The following GABBR2 variants were observed in gnomAD, a reference collection of about 807,000 sequenced individuals.
GABBR2 encodes G-protein coupled receptor 51.
A neutral mutation model predicts 105.6 loss-of-function variants in GABBR2; 23 were observed. That is an observed-to-expected ratio of 0.22 (90% CI 0.16 to 0.31). GABBR2 has a LOEUF of 0.31. Ranked by LOEUF, GABBR2 falls within the 10% of genes least tolerant of loss-of-function variation. The probability of loss-of-function intolerance (pLI) is 1.00; values close to 1 mark genes in which losing one functional copy is unlikely to be tolerated. For missense variants in GABBR2, 734 were observed against 1,245.5 expected (o/e 0.59, Z 6.18); for synonymous variants, 478 against 499.7 (o/e 0.96, Z 0.58).
intron 11 of GABBR2, among the ~76,000 whole-genome samples, chr9:98,376,645 TAAATCCTC>T (rs1447513441): frequency 6.6e-6 from 1 of 152,142 alleles, no homozygotes. Flanking sequence ...GGGCGACAGA[TAAATCCTC>T]AAGTTATAAG....
At chr9:98,698,767 G>A (rs1484090481) in intron 1 of GABBR2, among the ~76,000 whole-genome samples, 3 of 151,936 alleles carry the variant, frequency 2.0e-5, no homozygotes, top group Admixed American at 1.3e-4. Flanking sequence ...CAAAGTGCTG[G>A]GATTACAGGC....
chr9:98,502,835 C>T (rs550662610), intron 3 of GABBR2, among the ~76,000 whole-genome samples: 3 of 152,344 alleles, frequency 2.0e-5, no homozygotes, highest in South Asian at 2.1e-4. Flanking sequence ...AACTTGAGTA[C>T]CTTTCCGAGC....
chr9:98,632,081 C>T (rs924509653), intron 1 of GABBR2, among the ~76,000 whole-genome samples: 1 of 152,162 alleles, frequency 6.6e-6, no homozygotes, highest in Non-Finnish European at 1.5e-5. Flanking sequence ...CTAAGATGCC[C>T]CAGGGTGGTA....
At chr9:98,323,519 C>G (rs986566953) in intron 13 of GABBR2, among the ~76,000 whole-genome samples, 1 of 152,226 alleles carries the variant, frequency 6.6e-6, no homozygotes, top group Non-Finnish European at 1.5e-5. Context: ...GGCCAAGGAG[C>G]CTCTCTGTGG....
At chr9:98,693,763 C>A (rs1411397449) in intron 1 of GABBR2, among the ~76,000 whole-genome samples, 2 of 152,250 alleles carry the variant, frequency 1.3e-5, no homozygotes, top group African/African-American at 2.4e-5. Flanking sequence ...TGAAAGCAGC[C>A]ATGCAGTGCC....
At chr9:98,417,954 G>T (rs1832716960) in intron 7 of GABBR2, among the ~76,000 whole-genome samples, 1 of 152,174 alleles carries the variant, frequency 6.6e-6, no homozygotes. Flanking sequence ...GTGGCTCTTT[G>T]GAGGAGTAGA....
intron 1 of GABBR2, among the ~76,000 whole-genome samples, chr9:98,623,150 C>T (rs752206612): frequency 6.6e-6 from 1 of 152,168 alleles, no homozygotes; most frequent in Non-Finnish European, 1.5e-5. Flanking sequence ...TCAGGCGGGG[C>T]GCGGTGGCTC....
intron 1 of GABBR2, among the ~76,000 whole-genome samples, chr9:98,701,982 T>A (rs958347121): frequency 3.9e-5 from 6 of 152,256 alleles, no homozygotes; most frequent in Admixed American, 1.3e-4. Flanking sequence ...AGTGTGCCGA[T>A]CATTGATTGG....
chr9:98,311,930 T>C (rs1408074541), intron 13 of GABBR2, among the ~76,000 whole-genome samples: 2 of 152,222 alleles, frequency 1.3e-5, no homozygotes, highest in Admixed American at 6.5e-5. Flanking sequence ...TGGGAGATAA[T>C]TGGCCAGATG....
At chr9:98,570,318 C>T (rs555978940) in intron 2 of GABBR2, among the ~76,000 whole-genome samples, 7 of 152,334 alleles carry the variant, frequency 4.6e-5, no homozygotes, top group South Asian at 4.1e-4. Context: ...TAATCTGCCA[C>T]GGCTGCCTTT....
rs1413157425 is a variant in GABBR2 at position 98,454,385 on chromosome 9, G to C, written c.1000-168C>G. On this transcript the variant is annotated intron_variant, in intron 6 of 18. Transcript: ENST00000259455. This position sits in a 1 kb window ranked among gnomAD's most constrained non-coding sequence, Gnocchi z 4.6. Reference sequence around the variant, plus strand: ...CCCTCACAACAACCTCATAAGGTGGGTACTGTTATTGTCCCCATTTTACAG... The same window carrying C: ...CCCTCACAACAACCTCATAAGGTGGCTACTGTTATTGTCCCCATTTTACAG... Among the ~76,000 whole-genome samples, 2 of 152,116 alleles carry C rather than the reference G, an allele frequency of 1.3e-5. No individual in the cohort carries two copies. The highest frequency in any genetic ancestry group is 2.9e-5 in the Non-Finnish European group (2 of 68,024).
chr9:98,326,488 T>G (rs1426130527), intron 13 of GABBR2, among the ~76,000 whole-genome samples: 1 of 152,088 alleles, frequency 6.6e-6, no homozygotes, highest in African/African-American at 2.4e-5. Context: ...TATAATTAGG[T>G]GGTGGGTGTG....
At chr9:98,683,753 T>C (rs1286252721) in intron 1 of GABBR2, among the ~76,000 whole-genome samples, 1 of 151,900 alleles carries the variant, frequency 6.6e-6, no homozygotes, top group Non-Finnish European at 1.5e-5. Context: ...CTCACGCCTG[T>C]AATCCTAGCA....
At chr9:98,506,071 A>G (rs1827504450) in intron 3 of GABBR2, among the ~76,000 whole-genome samples, 1 of 152,122 alleles carries the variant, frequency 6.6e-6, no homozygotes, top group Non-Finnish European at 1.5e-5. Context: ...GTCTGTCCCA[A>G]AGATATATGG....
intron 3 of GABBR2, among the ~76,000 whole-genome samples, chr9:98,531,134 G>A (rs1828059809): frequency 6.6e-6 from 1 of 152,104 alleles, no homozygotes; most frequent in East Asian, 1.9e-4. Flanking sequence ...CTTGAGTGGA[G>A]GATATATTTA....
At chr9:98,426,039 C>T (rs1340318142) in intron 7 of GABBR2, among the ~76,000 whole-genome samples, 2 of 152,020 alleles carry the variant, frequency 1.3e-5, no homozygotes, top group African/African-American at 4.8e-5. Context: ...AATGAAGAAA[C>T]GGAGAGGACA....
intron 2 of GABBR2, among the ~76,000 whole-genome samples, chr9:98,543,874 C>T (rs796853120): frequency 5.9e-5 from 9 of 151,742 alleles, no homozygotes; most frequent in African/African-American, 1.9e-4. Flanking sequence ...CAGGTAATCA[C>T]GGTTTTTTTT....
At chr9:98,529,712 C>T (rs1828029919) in intron 3 of GABBR2, among the ~76,000 whole-genome samples, 1 of 152,096 alleles carries the variant, frequency 6.6e-6, no homozygotes, top group Non-Finnish European at 1.5e-5. Flanking sequence ...ATTATTTTTC[C>T]TTTGAATTAC....
intron 1 of GABBR2, among the ~76,000 whole-genome samples, chr9:98,590,141 A>C (rs1467883155): frequency 6.6e-6 from 1 of 152,182 alleles, no homozygotes; most frequent in Non-Finnish European, 1.5e-5. Flanking sequence ...TGGCAGATAC[A>C]ATCACTGCTG....
Sources: gnomAD v4.1 joint callset for allele counts (sites outside exome capture counted in the v4.1 genomes callset) on GRCh38, gnomAD v4.1.1 for gene constraint, Gnocchi (gnomAD v3.1) non-coding constraint, MANE v1.5 for transcripts, NCBI Gene and HGNC (gene_info 2026-07-23, HGNC 2026-07-21) for gene names.